MARCHF8: variants seen among roughly 807,000 people sequenced by gnomAD.
The protein encoded by MARCHF8 is membrane associated ring-CH-type finger 8.
A neutral mutation model predicts 51.6 loss-of-function variants in MARCHF8; 40 were observed. The observed-to-expected ratio is 0.77, with a 90% CI of 0.60 to 1.01. The LOEUF is 1.01. Among genes scored for constraint, MARCHF8 ranks in the 50% least tolerant of loss-of-function variants. The pLI, the probability that MARCHF8 is intolerant of heterozygous loss-of-function variation, is 0.00. For missense variants in MARCHF8, 685 were observed against 708.6 expected, an observed-to-expected ratio of 0.97 and a Z score of 0.38; for synonymous variants, 263 against 280.3, an observed-to-expected ratio of 0.94 and a Z score of 0.62.
At chr10:45,543,869 T>C (rs1474587437) in intron 1 of MARCHF8, among the ~76,000 whole-genome samples, 1 of 149,672 alleles carries the variant, frequency 6.7e-6, no homozygotes, top group Non-Finnish European at 1.5e-5. Context: ...AACAACATAA[T>C]TTTAAAATAA....
chr10:45,516,635 G>T (rs572958731), intron 2 of MARCHF8, among the ~76,000 whole-genome samples: 1 of 152,140 alleles, frequency 6.6e-6, no homozygotes, highest in Non-Finnish European at 1.5e-5. Context: ...GTGGTGGCAC[G>T]TGCCTGTAAT....
At position 45,585,122 on chromosome 10, in the gene MARCHF8, TG is replaced by T. The variant is rs201254652; in HGVS notation, c.-79+9112del. On this transcript the variant is annotated intron_variant, in intron 1 of 6. Coordinates refer to the MARCHF8 transcript ENST00000319836. Reference sequence around the variant, plus strand: ...TATAGGACCATGAGATTTTAAAATGTGTGTTGTTTTAAGCCTCTAAGTTTGT... The same window carrying T: ...TATAGGACCATGAGATTTTAAAATGTTGTTGTTTTAAGCCTCTAAGTTTGT... Among the ~76,000 whole-genome samples, 250 of 152,334 alleles carry T rather than the reference TG, an allele frequency of 1.6e-3. 6 individuals are homozygous for T. The East Asian group carries it at 0.046, about 28-fold the overall frequency.
At chr10:45,469,939 T>TGC (rs1197996637) in intron 3 of MARCHF8, among the ~76,000 whole-genome samples, 3 of 146,136 alleles carry the variant, frequency 2.1e-5, no homozygotes, top group Non-Finnish European at 4.5e-5. Flanking sequence ...TGAAAGTCAC[T>TGC]GCCTGACTGT....
At chr10:45,537,288 G>T (rs187058517), upstream of MARCHF8, among the ~76,000 whole-genome samples, 2 of 152,124 alleles carry the variant, frequency 1.3e-5, no homozygotes, top group East Asian at 1.9e-4. Flanking sequence ...TCCATTCAAC[G>T]GAATCATATT....
At chr10:45,488,366 C>G (rs2043021667) in intron 3 of MARCHF8, among the ~76,000 whole-genome samples, 1 of 152,060 alleles carries the variant, frequency 6.6e-6, no homozygotes, top group Non-Finnish European at 1.5e-5. Context: ...TAATTCCTGC[C>G]AAGGCCACAA....
chr10:45,557,471 C>T (rs1343645980), intron 1 of MARCHF8, among the ~76,000 whole-genome samples: 1 of 152,078 alleles, frequency 6.6e-6, no homozygotes, highest in Admixed American at 6.6e-5. Context: ...ATTGTCTATT[C>T]TATCCTACAC....
At chr10:45,503,054 G>C (rs1161149750) in intron 2 of MARCHF8, among the ~76,000 whole-genome samples, 1 of 152,148 alleles carries the variant, frequency 6.6e-6, no homozygotes, top group Non-Finnish European at 1.5e-5. Context: ...TTTTAGCGAA[G>C]TTTCTACACT....
intron 1 of MARCHF8, among the ~76,000 whole-genome samples, chr10:45,556,744 G>A (rs1368402523): frequency 1.3e-5 from 2 of 152,160 alleles, no homozygotes; most frequent in African/African-American, 2.4e-5. Flanking sequence ...CTGCTACCCA[G>A]GAAGTGCTCA....
At chr10:45,591,243 T>C (rs909524319) in intron 1 of MARCHF8, among the ~76,000 whole-genome samples, 9 of 152,204 alleles carry the variant, frequency 5.9e-5, no homozygotes, top group African/African-American at 1.9e-4. Flanking sequence ...TGGTGGTCTC[T>C]TCACATGGAC....
intron 1 of MARCHF8, among the ~76,000 whole-genome samples, chr10:45,572,899 G>A (rs932748689): frequency 4.0e-5 from 6 of 151,848 alleles, no homozygotes; most frequent in South Asian, 2.1e-4. Context: ...CTCAGCCTCC[G>A]CCCCGCCACC....
rs531841707 is a variant in MARCHF8 at position 45,504,984 on chromosome 10, T to G, written c.103-15567A>C. On this transcript the variant is annotated intron_variant, in intron 2 of 7. Transcript: ENST00000453424. ...TTTCTACTTTTATAAGAGACATAAA[T>G]TTCATTTTATTGCTCATTTCGAGCT... is the stretch of plus-strand genomic sequence containing the variant. Among the ~76,000 whole-genome samples, 95 of 152,320 alleles carry G rather than the reference T, an allele frequency of 6.2e-4. 1 individual carries two copies. The Middle Eastern group carries it at 0.014, about 22-fold the overall frequency.
At chr10:45,531,604 G>C (rs1046188950) in intron 2 of MARCHF8, among the ~76,000 whole-genome samples, 1 of 152,084 alleles carries the variant, frequency 6.6e-6, no homozygotes, top group Non-Finnish European at 1.5e-5. Context: ...ACAGTGACAT[G>C]ACCCATATCA....
At chr10:45,559,951 C>T (rs554149259) in intron 1 of MARCHF8, among the ~76,000 whole-genome samples, 2 of 152,232 alleles carry the variant, frequency 1.3e-5, no homozygotes, top group Non-Finnish European at 2.9e-5. Flanking sequence ...GAGCGGGCCT[C>T]GGCAGTGAGA....
At chr10:45,516,052 C>T (rs898518213) in intron 2 of MARCHF8, among the ~76,000 whole-genome samples, 6 of 152,196 alleles carry the variant, frequency 3.9e-5, no homozygotes, top group African/African-American at 1.4e-4. Context: ...ATCCTGACCA[C>T]CCACTCCCCT....
At chr10:45,570,885 T>C (rs997736844) in intron 1 of MARCHF8, among the ~76,000 whole-genome samples, 1 of 152,150 alleles carries the variant, frequency 6.6e-6, no homozygotes, top group Non-Finnish European at 1.5e-5. Context: ...ACAAAAGATA[T>C]GGAAGCCCCA....
At chr10:45,459,344 TA>T in intron 6 of MARCHF8, 77 bp from the exon 7 acceptor site, 9 of 1,478,554 alleles carry the variant, frequency 6.1e-6, no homozygotes, top group Non-Finnish European at 8.2e-6. Flanking sequence ...TGTAGGTAGG[TA>T]AGATTGGCTT....
At chr10:45,511,537 G>A (rs542594695) in intron 2 of MARCHF8, among the ~76,000 whole-genome samples, 1 of 152,332 alleles carries the variant, frequency 6.6e-6, no homozygotes, top group Non-Finnish European at 1.5e-5. Context: ...CCTGCCGAGT[G>A]CCTGCGATTA....
intron 3 of MARCHF8, among the ~76,000 whole-genome samples, chr10:45,483,146 A>C (rs1274458836): frequency 6.6e-6 from 1 of 152,248 alleles, no homozygotes; most frequent in Admixed American, 6.5e-5. Context: ...AAAAGGGACT[A>C]TATTAAACTG....
chr10:45,500,369 G>T (rs968735380), intron 2 of MARCHF8, among the ~76,000 whole-genome samples: 1 of 151,988 alleles, frequency 6.6e-6, no homozygotes, highest in African/African-American at 2.4e-5. Flanking sequence ...AAAAAATTTT[G>T]TCATATGTAA....
Sources: allele counts gnomAD v4.1 joint callset (sites outside exome capture counted in the v4.1 genomes callset), GRCh38; gene constraint gnomAD v4.1.1; transcripts MANE v1.5; gene names NCBI Gene and HGNC (gene_info 2026-07-23, HGNC 2026-07-21).